Variants in RTKN2 observed in about 807,000 individuals in gnomAD.
RTKN2 encodes rhotekin-2.
RTKN2 carries 69 observed loss-of-function variants against 71.5 expected under a neutral mutation model. The ratio of observed to expected loss-of-function variants is 0.96; its 90% CI spans 0.79 to 1.18. The LOEUF (loss-of-function observed/expected upper bound fraction) is 1.18, where lower values mean the gene tolerates loss of function less well. Ranked by LOEUF, RTKN2 falls within the 50% of genes most tolerant of loss-of-function variation. The pLI, the probability that RTKN2 is intolerant of heterozygous loss-of-function variation, is 0.00. For missense variants in RTKN2, 724 were observed against 719.7 expected (o/e 1.01, Z -0.07); for synonymous variants, 236 against 236.5 (o/e 1.00, Z 0.02).
intron 2 of RTKN2, among the ~76,000 whole-genome samples, chr10:62,255,743 GAAGA>G (rs1481200621): frequency 6.6e-6 from 1 of 152,168 alleles, no homozygotes; most frequent in Non-Finnish European, 1.5e-5. Context: ...TTATCATGAA[GAAGA>G]AAGCTGGCAA....
intron 2 of RTKN2, among the ~76,000 whole-genome samples, chr10:62,249,617 T>C (rs1191952328): frequency 1.3e-5 from 2 of 152,140 alleles, no homozygotes; most frequent in African/African-American, 4.8e-5. Context: ...AGGCAGTAGA[T>C]AGGGATTCTA....
At chr10:62,227,362 C>G (rs1842049551) in intron 6 of RTKN2, among the ~76,000 whole-genome samples, 1 of 152,012 alleles carries the variant, frequency 6.6e-6, no homozygotes, top group African/African-American at 2.4e-5. Flanking sequence ...AAAAGTAACA[C>G]TTGAGTGAAG....
intron 10 of RTKN2, among the ~76,000 whole-genome samples, chr10:62,204,335 T>C (rs1057319513): frequency 1.3e-5 from 2 of 152,232 alleles, no homozygotes; most frequent in African/African-American, 4.8e-5. Context: ...ATTGTTTTTA[T>C]GTCCATGTCA....
intron 9 of RTKN2, among the ~76,000 whole-genome samples, chr10:62,213,142 G>C (rs1374761350): frequency 6.6e-6 from 1 of 152,200 alleles, no homozygotes; most frequent in Non-Finnish European, 1.5e-5. Flanking sequence ...AAATCACCCA[G>C]AATCTTCCGT....
At position 62,204,997 on chromosome 10, in the gene RTKN2, T is replaced by C; in HGVS notation, c.1046A>G (p.Lys349Arg). 6.3e-7 allele frequency: 1 copy of C among 1,594,072 alleles called. No homozygotes were observed. Among genetic ancestry groups the C allele is most frequent in the Admixed American group, 1.8e-5 (1 of 54,834 alleles). Residue 349 changes from lysine to arginine, a missense_variant, in exon 10 of 12, where the codon AAG (lysine) becomes AGG (arginine). Lys to Arg is a conservative substitution (Grantham distance 26). Coordinates refer to ENST00000373789, the MANE Select transcript of RTKN2 (RefSeq NM_145307.4). ...ATTATGGATTCTTTTCTTGGCATCC[T>C]TATCCATTGCCCGGATTCTGGTTTC... ...NKETRIRAMD[K>R]DAKKRIHNFS... is the part of the protein sequence containing the mutation.
chr10:62,268,500 C>G (rs752851758), intron 1 of RTKN2, 51 bp downstream of exon 1: 15 of 1,515,350 alleles, frequency 9.9e-6, no homozygotes, highest in African/African-American at 5.5e-5. Flanking sequence ...GCGCGAGGAA[C>G]AGAACCCCGG....
intron 3 of RTKN2, among the ~76,000 whole-genome samples, chr10:62,244,331 AAAG>A (rs1842437594): frequency 6.6e-6 from 1 of 152,214 alleles, no homozygotes; most frequent in South Asian, 2.1e-4. Flanking sequence ...TATCTTTTGG[AAAG>A]AAGAAACACA....
intron 9 of RTKN2, among the ~76,000 whole-genome samples, chr10:62,208,995 T>G (rs938403055): frequency 7.9e-5 from 12 of 152,110 alleles, no homozygotes; most frequent in African/African-American, 2.7e-4. Flanking sequence ...GCAGGCTGGG[T>G]GCGGTGGCTC....
intron 2 of RTKN2, among the ~76,000 whole-genome samples, chr10:62,250,145 T>C (rs111599926): frequency 1.1e-4 from 17 of 152,190 alleles, no homozygotes; most frequent in African/African-American, 4.1e-4. Flanking sequence ...GAGGTGGGCA[T>C]TGCAAAACAC....
At chr10:62,200,362 C>CAAAAAAAAAAAAAAAAAAAAAAAAAA (rs67854159) in intron 10 of RTKN2, among the ~76,000 whole-genome samples, 1 of 79,502 alleles carries the variant, frequency 1.3e-5, no homozygotes, top group Non-Finnish European at 2.3e-5. Flanking sequence ...GACTCCGTCT[C>CAAAAAAAAAAAAAAAAAAAAAAAAAA]AAAAAAAAAA....
intron 9 of RTKN2, among the ~76,000 whole-genome samples, chr10:62,207,771 GAAC>G (rs1342345803): frequency 1.3e-5 from 2 of 151,892 alleles, no homozygotes; most frequent in African/African-American, 4.8e-5. Context: ...AACAGGAAAA[GAAC>G]AACTCAAATA....
At chr10:62,220,487 T>C (rs942013294) in intron 7 of RTKN2, among the ~76,000 whole-genome samples, 2 of 152,220 alleles carry the variant, frequency 1.3e-5, no homozygotes, top group East Asian at 1.9e-4. Flanking sequence ...TTTCTTTATA[T>C]AGGCAATCTC....
At chr10:62,256,403 G>A (rs1334894758) in intron 2 of RTKN2, among the ~76,000 whole-genome samples, 1 of 152,100 alleles carries the variant, frequency 6.6e-6, no homozygotes, top group African/African-American at 2.4e-5. Context: ...ATAACCAAAT[G>A]TACTGCATAG....
At chr10:62,268,386 T>TAGAG (rs1295421961) in intron 1 of RTKN2, among the ~76,000 whole-genome samples, 165 bp downstream of exon 1, 1 of 152,236 alleles carries the variant, frequency 6.6e-6, no homozygotes, top group Non-Finnish European at 1.5e-5. Flanking sequence ...CCAGGCCCTT[T>TAGAG]AGAGCCCCAA....
chr10:62,205,452 A>T (rs1441340021), intron 9 of RTKN2, among the ~76,000 whole-genome samples: 1 of 152,188 alleles, frequency 6.6e-6, no homozygotes, highest in Non-Finnish European at 1.5e-5. Context: ...TCAGTAAAGT[A>T]TCTTTCTTAT....
downstream of RTKN2, among the ~76,000 whole-genome samples, chr10:62,188,406 T>A (rs1201426580): frequency 2.0e-5 from 3 of 152,224 alleles, no homozygotes; most frequent in African/African-American, 7.2e-5. Context: ...TAGCCTCATG[T>A]GTCACAGAGT....
At position 62,268,697 on chromosome 10, in the gene RTKN2, C is replaced by T. The variant is rs1378507466; in HGVS notation, c.-87G>A. On this transcript the variant is annotated 5_prime_UTR_variant, in exon 1 of 12. Transcript: ENST00000373789. ...CCCTGGCAGGAGCCGCAGAGGACGC[C>T]AACCGCCCGGCCGTACCAAGTCCCA... 3 of 1,377,002 alleles carry T rather than the reference C, an allele frequency of 2.2e-6. No individual in the cohort carries two copies. The highest frequency in any genetic ancestry group is 2.6e-5 in the East Asian group (1 of 39,200). 85.3% of individuals were successfully genotyped at this position (1,377,002 alleles called of 1,614,324 possible).
In RTKN2 at chr10:62,205,749, T is replaced by C. The variant is rs149321160; in HGVS notation, c.1021-727A>G. On this transcript the variant is annotated intron_variant, in intron 9 of 11. Coordinates refer to ENST00000373789, the MANE Select transcript of RTKN2 (RefSeq NM_145307.4). ...TAGAATGCTATTATGATGACACTTATTGATTCTATACTTAGAAGATTCTGA... is the reference window on the plus strand; with the variant it reads ...TAGAATGCTATTATGATGACACTTACTGATTCTATACTTAGAAGATTCTGA... 3.4e-3 allele frequency among the ~76,000 whole-genome samples: 512 copies of C among 152,312 alleles called. 3 individuals are homozygous for C. The highest frequency in any genetic ancestry group is 0.012 in the African/African-American group (481 of 41,576).
chr10:62,193,298 G>C lies in RTKN2; in HGVS notation c.*4610C>G, dbSNP rs2132770069. The C allele has an allele frequency of 1.0e-6, 1 of 976,706 alleles. No homozygotes were observed. The highest frequency in any genetic ancestry group is 4.7e-5 in the South Asian group (1 of 21,094). The allele number at this position is 976,706 out of a possible 1,614,324, so 60.5% of individuals were successfully genotyped here. The stretch of plus-strand genomic sequence containing the variant: ...ACCTCTCCTTTAGTAGTTACATTAA[G>C]AGATTACCATGTCTCAAGAGCAAAC... On this transcript the variant is annotated 3_prime_UTR_variant, in exon 12 of 12. Transcript: ENST00000373789.
Sources: allele counts gnomAD v4.1 joint callset (sites outside exome capture counted in the v4.1 genomes callset), GRCh38; gene constraint gnomAD v4.1.1; transcripts MANE v1.5; gene names NCBI Gene and HGNC (gene_info 2026-07-23, HGNC 2026-07-21).